Variants in ZNF500 observed in about 807,000 individuals in gnomAD.
ZNF500 encodes the protein zinc finger protein 500, also known as zinc finger protein with KRAB and SCAN domains 18.
A neutral mutation model predicts 30.1 loss-of-function variants in ZNF500; 31 were observed. That is an observed-to-expected ratio of 1.03 (90% CI 0.77 to 1.39). The LOEUF is 1.39. ZNF500 is among the 40% of genes most tolerant of loss of function. ZNF500 has a pLI of 0.00. For synonymous variants in ZNF500, 392 were observed against 282.0 expected (o/e 1.39, Z -3.91); for missense variants, 817 against 657.8 (o/e 1.24, Z -2.65).
intron 5 of ZNF500, among the ~76,000 whole-genome samples, chr16:4,756,876 G>A (rs1458871772): frequency 2.6e-5 from 4 of 152,004 alleles, no homozygotes; most frequent in African/African-American, 9.7e-5. Context: ...CAGCTACTCG[G>A]GAGGCTGAGG....
At chr16:4,766,266 CT>C (rs2141852900) in intron 1 of ZNF500, among the ~76,000 whole-genome samples, 190 bp from the exon 2 acceptor site, 1 of 152,334 alleles carries the variant, frequency 6.6e-6, no homozygotes, top group South Asian at 2.1e-4. Context: ...GGGCTCTGGG[CT>C]TTGCTTCCTC....
chr16:4,762,884 C>G, intron 2 of ZNF500, 128 bp from the exon 3 acceptor site: 2 of 1,425,124 alleles, frequency 1.4e-6, no homozygotes, highest in Non-Finnish European at 1.8e-6. Flanking sequence ...TGCAGCCTCC[C>G]TCCCTCTGCC....
chr16:4,760,531 T>C lies in ZNF500; in HGVS notation c.721A>G (p.Met241Val). The C allele has an allele frequency of 6.2e-7, 1 of 1,613,812 alleles. No homozygotes were observed. Among genetic ancestry groups the C allele is most frequent in the Non-Finnish European group, 8.5e-7 (1 of 1,179,848 alleles). ...GGCGCGTCCCGCTGAGCTGGGTCCA[T>C]GCATCTTGGCTCCTCCCCAGAAAGG... Reference protein sequence around the residue: ...VYLSGEEPRCMDPAQRDAPLE... With the variant: ...VYLSGEEPRCVDPAQRDAPLE... The change falls in exon 5 of 6, where the codon ATG becomes GTG. Residue 241 changes from methionine to valine, a missense_variant. Physicochemically the swap from Met to Val is conservative, Grantham distance 21. Coordinates refer to ENST00000219478, the MANE Select transcript of ZNF500 (RefSeq NM_021646.4).
At chr16:4,746,605 A>T (rs138694922), downstream of ZNF500, 64 of 1,427,236 alleles carry the variant, frequency 4.5e-5, no homozygotes, top group East Asian at 1.5e-3. Flanking sequence ...GATGGGGAGG[A>T]ACAGGGACTT....
chr16:4,765,053 C>T (rs554514878), intron 2 of ZNF500, among the ~76,000 whole-genome samples: 14 of 152,316 alleles, frequency 9.2e-5, no homozygotes, highest in Non-Finnish European at 1.8e-4. Flanking sequence ...GTAATCCCAG[C>T]ACTTCGGGAG....
At chr16:4,747,577 G>T (rs2082034559), downstream of ZNF500, 3 of 1,610,604 alleles carry the variant, frequency 1.9e-6, no homozygotes, top group African/African-American at 4.0e-5. Context: ...ATGTTCCTGA[G>T]CCAGGGGCAG....
chr16:4,762,842 C>A (rs2082221911), intron 2 of ZNF500, 86 bp from the exon 3 acceptor site: 7 of 1,474,300 alleles, frequency 4.7e-6, no homozygotes, highest in Non-Finnish European at 6.3e-6. Flanking sequence ...TCATCTCAGG[C>A]ACCCCAGCCG....
In ZNF500 at chr16:4,765,844, G is replaced by C. The variant is rs138190488; in HGVS notation, c.135C>G (p.Ser45Arg). ...EEPSVETEDP[S>R]PETFRQLFRL... The stretch of plus-strand genomic sequence containing the variant: ...GGAAGAGCTGGCGGAAAGTCTCAGG[G>C]CTGGGGTCCTCCGTCTCCACGGAGG... Residue 45 changes from serine (S) to arginine (R), a missense_variant, in exon 2 of 6, where the codon AGC becomes AGG. Physicochemically the swap from Ser to Arg is moderately radical, Grantham distance 110 (BLOSUM62 -1). Transcript: ENST00000219478. 5.6e-6 allele frequency: 9 copies of C among 1,613,766 alleles called. No homozygotes were observed. In the South Asian group the frequency reaches 9.9e-5, roughly 18 times the overall value.
At chr16:4,761,634 C>T (rs1310500426) in intron 4 of ZNF500, among the ~76,000 whole-genome samples, 1 of 151,328 alleles carries the variant, frequency 6.6e-6, no homozygotes, top group Non-Finnish European at 1.5e-5. Flanking sequence ...TCACTTGAGC[C>T]CAGGAGTTCA....
Position 4,752,047 on chromosome 16 carries a change from C to T in ZNF500, c.*329G>A. 1 of 1,274,688 alleles carries T rather than the reference C, an allele frequency of 7.8e-7. No homozygotes were observed. Among genetic ancestry groups the T allele is most frequent in the Non-Finnish European group, 9.9e-7 (1 of 1,009,630 alleles). The allele number at this position is 1,274,688 out of a possible 1,614,324, so 79.0% of individuals were successfully genotyped here. ...CTGGATGCTGGAGGCAGCTGATGGA[C>T]CCTCCCAGGCCCTTCAGGAGCCAGC... On this transcript the variant is annotated 3_prime_UTR_variant, in exon 6 of 6. Transcript: ENST00000219478.
In ZNF500 at chr16:4,751,563, G is replaced by C; in HGVS notation, c.*813C>G. 6.5e-7 allele frequency: 1 copy of C among 1,532,404 alleles called. No individual in the cohort carries two copies. The highest frequency in any genetic ancestry group is 8.7e-7 in the Non-Finnish European group (1 of 1,145,914). 94.9% of individuals were successfully genotyped at this position (1,532,404 alleles called of 1,614,324 possible). On this transcript the variant is annotated 3_prime_UTR_variant, in exon 6 of 6. Coordinates refer to ENST00000219478, the MANE Select transcript of ZNF500 (RefSeq NM_021646.4). The stretch of plus-strand genomic sequence containing the variant: ...AAACTCTGGCAGGATGAAGAAGCTG[G>C]AGACCACGTCCTGGGAAGGCTGGGG...
chr16:4,746,433 A>G (rs753733987), downstream of ZNF500: 39 of 1,613,556 alleles, frequency 2.4e-5, no homozygotes, highest in Non-Finnish European at 3.2e-5. Flanking sequence ...GGCCCAGGGC[A>G]TGAGGCTTAA....
intron 2 of ZNF500, chr16:4,763,057 C>T (rs573169003): frequency 2.0e-5 from 20 of 985,282 alleles, no homozygotes; most frequent in East Asian, 2.3e-4. Context: ...CCTGAGTCAG[C>T]GCTGGACTAA....
chr16:4,756,365 T>C (rs1318600416), intron 5 of ZNF500: 1 of 151,956 alleles, frequency 6.6e-6, no homozygotes, highest in Non-Finnish European at 1.5e-5. Flanking sequence ...ACACCTGTAA[T>C]CCCAGCTGCT....
At chr16:4,765,514 C>T (rs2082254398) in intron 2 of ZNF500, 51 bp downstream of exon 2, 11 of 1,537,606 alleles carry the variant, frequency 7.2e-6, no homozygotes, top group Non-Finnish European at 8.8e-6. Flanking sequence ...CTGCAGACCC[C>T]AGCAGCAGGG....
chr16:4,746,581 C>G (rs560508545), downstream of ZNF500: 22 of 1,519,840 alleles, frequency 1.4e-5, no homozygotes, highest in East Asian at 4.3e-4. Flanking sequence ...CGCACAGAGC[C>G]TCTGGTGGAT....
intron 5 of ZNF500, among the ~76,000 whole-genome samples, chr16:4,754,538 C>T (rs1460717370): frequency 6.6e-6 from 1 of 151,734 alleles, no homozygotes; most frequent in Non-Finnish European, 1.5e-5. Flanking sequence ...GTGGTGGGTG[C>T]CTGTAATCCC....
intron 3 of ZNF500, 92 bp downstream of exon 3, chr16:4,762,481 C>A (rs1320581300): frequency 6.6e-7 from 1 of 1,516,704 alleles, no homozygotes; most frequent in Non-Finnish European, 8.9e-7. Flanking sequence ...TGCATCCAGG[C>A]AGGCCTCTGC....
At chr16:4,745,013 T>C, downstream of ZNF500, 1 of 1,612,760 alleles carries the variant, frequency 6.2e-7, no homozygotes, top group Non-Finnish European at 8.5e-7. Flanking sequence ...AGGAAGCAGG[T>C]GGGACTTGTA....
Sources: gnomAD v4.1 joint callset for allele counts (sites outside exome capture counted in the v4.1 genomes callset) on GRCh38, gnomAD v4.1.1 for gene constraint, MANE v1.5 for transcripts, NCBI Gene and HGNC (gene_info 2026-07-23, HGNC 2026-07-21) for gene names.